Variants in MITF observed in about 807,000 individuals in gnomAD.
MITF encodes microphthalmia-associated transcription factor.
Under a neutral mutation model 60.5 loss-of-function variants are expected in MITF, and 17 were observed. The observed-to-expected ratio is 0.28, with a 90% confidence interval of 0.19 to 0.42. The LOEUF (loss-of-function observed/expected upper bound fraction) is 0.42, where lower values mean the gene tolerates loss of function less well. Ranked by LOEUF, MITF falls within the 10% of genes least tolerant of loss-of-function variation. The pLI is 1.00. For synonymous variants in MITF, 260 were observed against 248.5 expected, an observed-to-expected ratio of 1.05 and a Z score of -0.43; for missense variants, 622 against 683.5, an observed-to-expected ratio of 0.91 and a Z score of 1.00.
intron 1 of MITF, among the ~76,000 whole-genome samples, chr3:69,792,114 C>G (rs2062750127): frequency 6.6e-6 from 1 of 152,170 alleles, no homozygotes. Flanking sequence ...AGAGATATGA[C>G]TAGTTGATTC....
chr3:69,913,017 G>A (rs576802628), intron 2 of MITF, among the ~76,000 whole-genome samples: 1 of 152,232 alleles, frequency 6.6e-6, no homozygotes, highest in African/African-American at 2.4e-5. Context: ...TGAAAAGAAA[G>A]ATAGATCTAG....
chr3:69,764,840 G>A (rs973269090), intron 1 of MITF, among the ~76,000 whole-genome samples: 20 of 152,126 alleles, frequency 1.3e-4, no homozygotes, highest in African/African-American at 4.8e-5. Flanking sequence ...TCTTGTTTAG[G>A]ATCTGTGTTA....
chr3:69,956,573 A>T, intron 8 of MITF, 43 bp downstream of exon 8: 1 of 1,503,820 alleles, frequency 6.6e-7, no homozygotes. Flanking sequence ...TATTTTTCGT[A>T]CCTGAATGTT....
intron 1 of MITF, among the ~76,000 whole-genome samples, chr3:69,865,102 A>G (rs942177751): frequency 4.6e-5 from 7 of 152,244 alleles, no homozygotes; most frequent in African/African-American, 1.7e-4. Context: ...GAAAGAATGA[A>G]TAAAATGAGC....
intron 2 of MITF, among the ~76,000 whole-genome samples, chr3:69,902,814 T>C (rs1168859082): frequency 1.3e-5 from 2 of 152,148 alleles, no homozygotes; most frequent in Non-Finnish European, 2.9e-5. Flanking sequence ...GCCCATGATA[T>C]TTAGGGAAGT....
chr3:69,933,893 A>G (rs2065776218), intron 2 of MITF, among the ~76,000 whole-genome samples: 1 of 152,214 alleles, frequency 6.6e-6, no homozygotes, highest in South Asian at 2.1e-4. Context: ...ATTGACTAAA[A>G]AGCTATGAAT....
At chr3:69,917,130 G>A (rs913517284) in intron 2 of MITF, among the ~76,000 whole-genome samples, 10 of 152,098 alleles carry the variant, frequency 6.6e-5, no homozygotes, top group African/African-American at 2.4e-4. Context: ...ACATTTAGAG[G>A]CTTAAATCGA....
rs776961961 is a variant in MITF at position 69,953,662 on chromosome 3, T to TAGAGAGAG, written c.955+1796_955+1803dup. On this transcript the variant is annotated intron_variant, in intron 7 of 9. Coordinates refer to ENST00000352241, the MANE Select transcript of MITF (RefSeq NM_001354604.2). The stretch of plus-strand genomic sequence containing the variant: ...ATATATGTATGTATATATATATATA[T>TAGAGAGAG]AGAGAGAGAGAGAGAGAGAGAGAGA... Among the ~76,000 whole-genome samples, 20 of 136,564 alleles carry TAGAGAGAG rather than the reference T, an allele frequency of 1.5e-4. No homozygotes were observed. The East Asian group carries it at 2.3e-3, about 16-fold the overall frequency. The allele number at this position is 136,564 out of a possible 152,430, so 89.6% of individuals were successfully genotyped here. A position where few individuals can be genotyped will look rare whatever the true frequency, so the allele number is the denominator to read the frequency against.
At chr3:69,798,720 T>C (rs1382630347) in intron 1 of MITF, among the ~76,000 whole-genome samples, 6 of 152,246 alleles carry the variant, frequency 3.9e-5, no homozygotes, top group East Asian at 1.9e-4. Context: ...TGCCTCCCCA[T>C]AGTGCTTTAG....
chr3:69,833,290 T>TTGTATGTGGTTGTTTCCCTGTTTACAC (rs2063482261), intron 1 of MITF, among the ~76,000 whole-genome samples: 1 of 151,852 alleles, frequency 6.6e-6, no homozygotes, highest in Non-Finnish European at 1.5e-5. Flanking sequence ...TCTGTTTACA[T>TTGTATGTGGTTGTTTCCCTGTTTACAC]TGTATGTGGT....
chr3:69,838,954 A>T (rs928293381), intron 1 of MITF, among the ~76,000 whole-genome samples: 3 of 152,176 alleles, frequency 2.0e-5, no homozygotes, highest in African/African-American at 7.2e-5. Flanking sequence ...CTTTCTTTTC[A>T]AGAGGAGGTT....
At chr3:69,794,641 C>T (rs921782819) in intron 1 of MITF, among the ~76,000 whole-genome samples, 1 of 152,192 alleles carries the variant, frequency 6.6e-6, no homozygotes, top group Non-Finnish European at 1.5e-5. Flanking sequence ...GTCATCCAGG[C>T]TGCTTTGCAT....
chr3:69,957,303 T>G (rs1233152153), intron 8 of MITF, among the ~76,000 whole-genome samples: 4 of 152,226 alleles, frequency 2.6e-5, no homozygotes, highest in Non-Finnish European at 5.9e-5. Flanking sequence ...ACAGGCATTC[T>G]GTGAAATTAG....
intron 1 of MITF, among the ~76,000 whole-genome samples, chr3:69,829,150 G>A (rs112087560): frequency 1.3e-5 from 2 of 152,208 alleles, no homozygotes; most frequent in African/African-American, 4.8e-5. Flanking sequence ...TTGCATATTT[G>A]TGTTTGTTTT....
rs1191601562 is a variant in MITF, at chr3:69,951,669, A to G, written c.881-143A>G. 9 of 664,756 alleles carry G rather than the reference A, an allele frequency of 1.4e-5. No homozygotes were observed. The East Asian group carries it at 1.7e-4, about 13-fold the overall frequency. The allele number at this position is 664,756 out of a possible 1,614,324, so 41.2% of individuals were successfully genotyped here. A position where few individuals can be genotyped will look rare whatever the true frequency, so the allele number is the denominator to read the frequency against. Reference sequence around the variant, plus strand: ...GAAAACATGCAAGCTTTTTAAAAAGATATCATTTTTAAAAAAACGTATTTT... The same window carrying G: ...GAAAACATGCAAGCTTTTTAAAAAGGTATCATTTTTAAAAAAACGTATTTT... On this transcript the variant is annotated intron_variant, in intron 6 of 9. Coordinates refer to ENST00000352241, the MANE Select transcript of MITF (RefSeq NM_001354604.2).
intron 2 of MITF, among the ~76,000 whole-genome samples, chr3:69,927,175 A>C (rs188992909): frequency 1.3e-5 from 2 of 152,006 alleles, no homozygotes; most frequent in Admixed American, 6.5e-5. Flanking sequence ...TCAATTTTGG[A>C]TAGCAGCATG....
At chr3:69,858,813 T>C (rs1333165896) in intron 1 of MITF, among the ~76,000 whole-genome samples, 1 of 152,190 alleles carries the variant, frequency 6.6e-6, no homozygotes, top group Non-Finnish European at 1.5e-5. Flanking sequence ...TTAAGCATTG[T>C]CTCCAAATAA....
At chr3:69,941,113 C>T in intron 4 of MITF, 123 bp from the exon 5 acceptor site, 1 of 656,210 alleles carries the variant, frequency 1.5e-6, no homozygotes, top group Non-Finnish European at 2.7e-6. Context: ...AGGACAGTTA[C>T]TTCTTAGAAT....
At chr3:69,845,442 C>CTTTTTTT (rs751773040) in intron 1 of MITF, among the ~76,000 whole-genome samples, 1 of 136,810 alleles carries the variant, frequency 7.3e-6, no homozygotes, top group Non-Finnish European at 1.5e-5. Flanking sequence ...TTTTTTCTTT[C>CTTTTTTT]TTTTTTTTTT....
Sources: allele counts gnomAD v4.1 joint callset (sites outside exome capture counted in the v4.1 genomes callset), GRCh38; gene constraint gnomAD v4.1.1; transcripts MANE v1.5; gene names NCBI Gene and HGNC (gene_info 2026-07-23, HGNC 2026-07-21).